The following COL20A1 variants were observed in gnomAD, a reference collection of about 807,000 sequenced individuals.
COL20A1 encodes collagen type XX alpha 1 chain, also known as collagen alpha-1(XX) chain.
A neutral mutation model predicts 152.9 loss-of-function variants in COL20A1; 164 were observed. The observed-to-expected ratio is 1.07, with a 90% CI of 0.94 to 1.22. COL20A1 has a LOEUF of 1.22. COL20A1 is among the 50% of genes most tolerant of loss of function. COL20A1 has a pLI of 0.00. For missense variants in COL20A1, 1,873 were observed against 1,744.8 expected (o/e 1.07, Z -1.31); for synonymous variants, 864 against 756.0 (o/e 1.14, Z -2.34).
intron 21 of COL20A1, among the ~76,000 whole-genome samples, chr20:63,317,918 G>C (rs971238336): frequency 6.6e-6 from 1 of 152,058 alleles, no homozygotes; most frequent in Non-Finnish European, 1.5e-5. Context: ...ACTGAGCTGG[G>C]TGTTCTTACG....
Position 63,333,415 on chromosome 20 carries a change from C to CA in COL20A1, c.*2700dup, listed in dbSNP as rs1210849292. 6.6e-6 allele frequency: 1 copy of CA among 152,544 alleles called. No homozygotes were observed. The highest frequency in any genetic ancestry group is 1.5e-5 in the Non-Finnish European group (1 of 68,312). The allele number at this position is 152,544 out of a possible 1,614,324, so 9.4% of individuals were successfully genotyped here. A position where few individuals can be genotyped will look rare whatever the true frequency, so the allele number is the denominator to read the frequency against. On this transcript the variant is annotated 3_prime_UTR_variant, in exon 36 of 36. Coordinates refer to ENST00000358894, the MANE Select transcript of COL20A1 (RefSeq NM_020882.4). ...GGGAAGGTCATGGAATCACGGGGCTCACGCTGGGGTCACAGGGTGGTGTGG... is the reference window on the plus strand; with the variant it reads ...GGGAAGGTCATGGAATCACGGGGCTCAACGCTGGGGTCACAGGGTGGTGTGG...
In COL20A1 at chr20:63,332,621, G is replaced by T. The variant is rs6062897; in HGVS notation, c.*1905G>T. On this transcript the variant is annotated 3_prime_UTR_variant, in exon 36 of 36. Coordinates refer to ENST00000358894, the MANE Select transcript of COL20A1 (RefSeq NM_020882.4). The stretch of plus-strand genomic sequence containing the variant: ...CCACATTGGCAGCCAGGAGGAGGCA[G>T]CCTGGCCGGGGGGAACCAGGGTGGC... 0.57 allele frequency: 87,268 copies of T among 152,060 alleles called. 25,857 individuals are homozygous for T. The highest frequency in any genetic ancestry group is 0.66 in the Non-Finnish European group (44,873 of 67,972). The allele number at this position is 152,060 out of a possible 1,614,324, so 9.4% of individuals were successfully genotyped here. A position where few individuals can be genotyped will look rare whatever the true frequency, so the allele number is the denominator to read the frequency against.
chr20:63,294,246 C>T (rs1243301830), intron 1 of COL20A1, among the ~76,000 whole-genome samples: 1 of 126,766 alleles, frequency 7.9e-6, no homozygotes, highest in Non-Finnish European at 1.7e-5. Context: ...AAGTGAACCC[C>T]CGGCATTTCT....
rs556898454 is a variant in COL20A1 at position 63,305,650 on chromosome 20, C to G, written c.337+90C>G. The stretch of plus-strand genomic sequence containing the variant: ...TGGGGTCCCACCCTCCTCCAGGCTG[C>G]GTTCCAGCCCCAGGGGTGGGTATGT... On this transcript the variant is annotated intron_variant, in intron 4 of 35. Transcript: ENST00000358894. This position sits in a 1 kb window ranked among gnomAD's most constrained non-coding sequence, Gnocchi z 4.9. The G allele has an allele frequency of 7.1e-7, 1 of 1,403,600 alleles. No individual in the cohort carries two copies. Among genetic ancestry groups the G allele is most frequent in the Non-Finnish European group, 9.6e-7 (1 of 1,045,830 alleles). The allele number at this position is 1,403,600 out of a possible 1,614,324, so 86.9% of individuals were successfully genotyped here.
At chr20:63,294,993 G>A in intron 1 of COL20A1, 105 bp from the exon 2 acceptor site, 1 of 701,356 alleles carries the variant, frequency 1.4e-6, no homozygotes, top group South Asian at 1.8e-5. Flanking sequence ...CCGGTGTGGG[G>A]ACAGGCTGCC....
rs1212095341 is a variant in COL20A1, at chr20:63,333,208, G to C, written c.*2492G>C. 1 of 152,524 alleles carries C rather than the reference G, an allele frequency of 6.6e-6. No individual in the cohort carries two copies. Among genetic ancestry groups the C allele is most frequent in the Non-Finnish European group, 1.5e-5 (1 of 68,302 alleles). The allele number at this position is 152,524 out of a possible 1,614,324, so 9.4% of individuals were successfully genotyped here. On this transcript the variant is annotated 3_prime_UTR_variant, in exon 36 of 36. Coordinates refer to ENST00000358894, the MANE Select transcript of COL20A1 (RefSeq NM_020882.4). The stretch of plus-strand genomic sequence containing the variant: ...AGCTTCAGCCCTACGCAGTGTGGGG[G>C]CTCCGGGAGGAAATGCAGGGAGGTG...
At position 63,319,969 on chromosome 20, in the gene COL20A1, CTGGCCT is replaced by C; in HGVS notation, c.2917-66_2917-61del. The C allele has an allele frequency of 7.4e-7, 1 of 1,350,064 alleles. No homozygotes were observed. Among genetic ancestry groups the C allele is most frequent in the Non-Finnish European group, 9.7e-7 (1 of 1,034,484 alleles). The allele number at this position is 1,350,064 out of a possible 1,614,324, so 83.6% of individuals were successfully genotyped here. On this transcript the variant is annotated intron_variant, in intron 23 of 35. Transcript: ENST00000358894. This position sits in a 1 kb window ranked among gnomAD's most constrained non-coding sequence, Gnocchi z 4.4. ...ATGGGTGTTACTCCCCAGCCCTGGCCTGGCCTTGGGGGCTCAGGTGGGCACCGGCCC... is the reference window on the plus strand; with the variant it reads ...ATGGGTGTTACTCCCCAGCCCTGGCCTGGGGGCTCAGGTGGGCACCGGCCC...
rs1483522622 is a variant in COL20A1 at position 63,320,087 on chromosome 20, C to T, written c.2965C>T (p.Arg989Trp). The T allele has an allele frequency of 9.6e-6, 15 of 1,554,956 alleles. No individual in the cohort carries two copies. Among genetic ancestry groups the T allele is most frequent in the Admixed American group, 3.9e-5 (2 of 51,586 alleles). Residue 989 changes from arginine (R) to tryptophan (W), a missense_variant, in exon 24 of 36, where the codon CGG becomes TGG. Coordinates refer to ENST00000358894, the MANE Select transcript of COL20A1 (RefSeq NM_020882.4). ...CAAGGTCAGGCTCTATGTGGACTGC[C>T]GGAAGGTGGCTGAGCGGCCCCTTGG... ...RSKVRLYVDCRKVAERPLGEM... is the reference protein window; with the variant it reads ...RSKVRLYVDCWKVAERPLGEM...
Position 63,305,514 on chromosome 20 carries a change from G to A in COL20A1, c.291G>A (p.Glu97=). ...AGGGCTACACCTTGCAGATCTTCGA[G>A]CTCACTGGCTCTGGGCGCTTCCTGC... ...PSKGYTLQIF[E]LTGSGRFLLA... The change falls in exon 4 of 36, where the codon GAG becomes GAA. Residue 97 remains glutamate (E), a synonymous_variant. Coordinates refer to ENST00000358894, the MANE Select transcript of COL20A1 (RefSeq NM_020882.4). This position sits in a 1 kb window ranked among gnomAD's most constrained non-coding sequence, Gnocchi z 4.9. 1 of 1,607,458 alleles carries A rather than the reference G, an allele frequency of 6.2e-7. No individual in the cohort carries two copies. Among genetic ancestry groups the A allele is most frequent in the Non-Finnish European group, 8.5e-7 (1 of 1,177,576 alleles).
rs758759649 is a variant in COL20A1, at chr20:63,326,775, C to A, written c.3480C>A (p.Ala1160=). 2 of 1,489,186 alleles carry A rather than the reference C, an allele frequency of 1.3e-6. No homozygotes were observed. Among genetic ancestry groups the A allele is most frequent in the Admixed American group, 2.9e-5 (1 of 33,902 alleles). 92.2% of individuals were successfully genotyped at this position (1,489,186 alleles called of 1,614,324 possible). A position where few individuals can be genotyped will look rare whatever the true frequency, so the allele number is the denominator to read the frequency against. ...GPRGFQGMAG[A]RGTSGERGPP... is the part of the protein sequence containing the mutation. ...AGGGGTTCCAGGGCATGGCAGGGGC[C>A]AGGGGCACTAGTGGAGAGCGAGGAC... The change falls in exon 31 of 36, where the codon GCC becomes GCA. Residue 1160 remains alanine (A), a synonymous_variant. Coordinates refer to ENST00000358894, the MANE Select transcript of COL20A1 (RefSeq NM_020882.4).
intron 26 of COL20A1, among the ~76,000 whole-genome samples, chr20:63,321,729 T>C (rs1227984899): frequency 6.6e-6 from 1 of 152,144 alleles, no homozygotes; most frequent in East Asian, 1.9e-4. Context: ...CACCCCAAGG[T>C]TCCAGCGCCC....
Position 63,313,210 on chromosome 20 carries a change from G to T in COL20A1, c.2170G>T (p.Gly724Trp). 6.2e-7 allele frequency: 1 copy of T among 1,612,414 alleles called. No individual in the cohort carries two copies. Residue 724 changes from glycine (G) to tryptophan (W), a missense_variant, in exon 17 of 36, where the codon GGG becomes TGG. Transcript: ENST00000358894. This position sits in a 1 kb window ranked among gnomAD's most constrained non-coding sequence, Gnocchi z 5.9. ...CACCATCTTGGCCTACTACAGGGAC[G>T]GGGCCCGCAGTGACCCTGTGTCCCT... The part of the protein sequence containing the change: ...DVTILAYYRD[G>W]ARSDPVSLRY...
intron 26 of COL20A1, 88 bp from the exon 27 acceptor site, chr20:63,321,970 G>A: frequency 1.9e-6 from 2 of 1,078,562 alleles, no homozygotes; most frequent in South Asian, 1.6e-5. Context: ...GCTCAGGGTG[G>A]GCCAGGCATG....
At position 63,333,626 on chromosome 20, in the gene COL20A1, G is replaced by C. The variant is rs1369695513; in HGVS notation, c.*2910G>C. On this transcript the variant is annotated 3_prime_UTR_variant, in exon 36 of 36. Transcript: ENST00000358894. ...GAAGAACGGCTCAGTGATGAGCTCA[G>C]AGGGAGGGGTGGGCACAGCGCCCAG... 6.6e-6 allele frequency: 1 copy of C among 152,308 alleles called. No homozygotes were observed. The highest frequency in any genetic ancestry group is 1.9e-4 in the East Asian group (1 of 5,194). The allele number at this position is 152,308 out of a possible 1,614,324, so 9.4% of individuals were successfully genotyped here.
rs558869563 is a variant in COL20A1, at chr20:63,326,793, G to T, written c.3498G>T (p.Glu1166Asp). The T allele has an allele frequency of 1.3e-6, 2 of 1,502,396 alleles. No individual in the cohort carries two copies. The highest frequency in any genetic ancestry group is 1.8e-6 in the Non-Finnish European group (2 of 1,137,806). 93.1% of individuals were successfully genotyped at this position (1,502,396 alleles called of 1,614,324 possible). A position where few individuals can be genotyped will look rare whatever the true frequency, so the allele number is the denominator to read the frequency against. ...CAGGGGCCAGGGGCACTAGTGGAGA[G>T]CGAGGACCTCCAGGGACCGTGGGGC... ...GMAGARGTSG[E>D]RGPPGTVGPT... Residue 1166 changes from glutamate to aspartate, a missense_variant, in exon 31 of 36, where the codon GAG (glutamate) becomes GAT (aspartate). By Grantham distance (45) the Glu-to-Asp change is conservative (BLOSUM62 2). Transcript: ENST00000358894.
At position 63,307,515 on chromosome 20, in the gene COL20A1, CCCCGTGCCTGCTG is replaced by C; in HGVS notation, c.523_535del (p.Pro175ThrfsTer40). ...CCGGCCCCCAGTTCCGCTGCCTGCC[CCCCGTGCCTGCTG>C]ACATGGTCTTCCTGGTGGACGGGTC... On this transcript the variant is annotated frameshift_variant, in exon 6 of 36. Coordinates refer to ENST00000358894, the MANE Select transcript of COL20A1 (RefSeq NM_020882.4). LOFTEE classifies it high-confidence loss of function. 1 of 1,612,368 alleles carries C rather than the reference CCCCGTGCCTGCTG, an allele frequency of 6.2e-7. No individual in the cohort carries two copies. The highest frequency in any genetic ancestry group is 1.7e-4 in the Middle Eastern group (1 of 6,050).
chr20:63,313,964 C>A lies in COL20A1; in HGVS notation c.2358+73C>A. Reference sequence around the variant, plus strand: ...GGAAGGGGTATGGCCACACTGTCTGCGAAGGGTGGCAGCTCTGCCATGGCG... The same window carrying A: ...GGAAGGGGTATGGCCACACTGTCTGAGAAGGGTGGCAGCTCTGCCATGGCG... On this transcript the variant is annotated intron_variant, in intron 18 of 35. Coordinates refer to ENST00000358894, the MANE Select transcript of COL20A1 (RefSeq NM_020882.4). The surrounding 1 kb of genome is among the most constrained non-coding windows in gnomAD (Gnocchi z 5.9). 6.3e-7 allele frequency: 1 copy of A among 1,591,118 alleles called. No individual in the cohort carries two copies. The highest frequency in any genetic ancestry group is 8.6e-7 in the Non-Finnish European group (1 of 1,168,306).
rs202110157 is a variant in COL20A1 at position 63,311,406 on chromosome 20, C to T, written c.1406C>T (p.Pro469Leu). ...CATGGCCCCCCAGCACCTCTGCCTC[C>T]GCCCCGGGCGCTGACCCTGGCCGCA... The part of the protein sequence containing the change: ...RGLVTTAPLP[P>L]PRALTLAAVT... Residue 469 changes from proline to leucine, a missense_variant, in exon 12 of 36, where the codon CCG (proline) becomes CTG (leucine). Coordinates refer to ENST00000358894, the MANE Select transcript of COL20A1 (RefSeq NM_020882.4). This position sits in a 1 kb window ranked among gnomAD's most constrained non-coding sequence, Gnocchi z 4.4. 100 of 1,581,234 alleles carry T rather than the reference C, an allele frequency of 6.3e-5. 1 individual carries two copies. Among genetic ancestry groups the T allele is most frequent in the African/African-American group, 5.5e-4 (41 of 74,412 alleles).
Position 63,312,068 on chromosome 20 carries a change from C to A in COL20A1, c.1803+13C>A. 1 of 1,543,764 alleles carries A rather than the reference C, an allele frequency of 6.5e-7. No homozygotes were observed. Among genetic ancestry groups the A allele is most frequent in the South Asian group, 1.2e-5 (1 of 82,220 alleles). ...ACACTCGGGGCAGGTGAGAGCAGAG[C>A]CCTCCGGGGGCCCGAGTGTCTTGAG... is the stretch of plus-strand genomic sequence containing the variant. On this transcript the variant is annotated intron_variant, in intron 14 of 35. Coordinates refer to ENST00000358894, the MANE Select transcript of COL20A1 (RefSeq NM_020882.4).
Sources: gnomAD v4.1 joint callset for allele counts (sites outside exome capture counted in the v4.1 genomes callset) on GRCh38, gnomAD v4.1.1 for gene constraint, Gnocchi (gnomAD v3.1) non-coding constraint, MANE v1.5 for transcripts, NCBI Gene and HGNC (gene_info 2026-07-23, HGNC 2026-07-21) for gene names.